KCNIP1: variants seen among roughly 807,000 people sequenced by gnomAD.
KCNIP1 encodes A-type potassium channel modulatory protein KCNIP1.
A neutral mutation model predicts 33.0 loss-of-function variants in KCNIP1; 18 were observed. That is an observed-to-expected ratio of 0.55 (90% CI 0.38 to 0.81). The LOEUF (loss-of-function observed/expected upper bound fraction) is 0.81. KCNIP1 is among the 30% of genes least tolerant of loss of function. The pLI is 0.00. For synonymous variants in KCNIP1, 93 were observed against 98.3 expected (o/e 0.95, Z 0.32); for missense variants, 238 against 271.6 (o/e 0.88, Z 0.87).
chr5:170,381,299 T>C (rs1482832070), intron 1 of KCNIP1, among the ~76,000 whole-genome samples: 4 of 152,214 alleles, frequency 2.6e-5, no homozygotes, highest in African/African-American at 9.7e-5. Context: ...ACCAGCTTTT[T>C]CCCAAGCCCT....
intron 1 of KCNIP1, among the ~76,000 whole-genome samples, chr5:170,497,917 A>T (rs1445852710): frequency 6.6e-6 from 1 of 152,204 alleles, no homozygotes; most frequent in African/African-American, 2.4e-5. Context: ...TGCAGGGGGA[A>T]TCCTCAGGCA....
chr5:170,363,662 C>G (rs1381041192), intron 1 of KCNIP1, among the ~76,000 whole-genome samples: 1 of 152,218 alleles, frequency 6.6e-6, no homozygotes, highest in South Asian at 2.1e-4. Context: ...CCCCATAGAC[C>G]ATTCTTTGCA....
chr5:170,480,866 T>G (rs1375486708), intron 1 of KCNIP1, among the ~76,000 whole-genome samples: 1 of 152,210 alleles, frequency 6.6e-6, no homozygotes, highest in African/African-American at 2.4e-5. Flanking sequence ...TCTATTTTTT[T>G]CCAGGACTAT....
intron 1 of KCNIP1, among the ~76,000 whole-genome samples, chr5:170,457,594 A>G (rs948392154): frequency 3.9e-5 from 6 of 152,222 alleles, no homozygotes; most frequent in African/African-American, 1.4e-4. Flanking sequence ...AAGAGAGATA[A>G]CAATCACTAC....
chr5:170,539,055 A>G (rs1756098862), intron 1 of KCNIP1, among the ~76,000 whole-genome samples: 1 of 151,916 alleles, frequency 6.6e-6, no homozygotes, highest in African/African-American at 2.4e-5. Flanking sequence ...TCCTATGATC[A>G]TGGCCTCCAG....
chr5:170,503,248 G>C (rs962029969), upstream of KCNIP1, among the ~76,000 whole-genome samples: 8 of 151,964 alleles, frequency 5.3e-5, no homozygotes, highest in African/African-American at 1.9e-4. Flanking sequence ...AAAAAATTTA[G>C]CTGGGCCTAG....
At chr5:170,580,798 C>T (rs1757762982) in intron 1 of KCNIP1, among the ~76,000 whole-genome samples, 1 of 152,092 alleles carries the variant, frequency 6.6e-6, no homozygotes. Flanking sequence ...CTCTATGGGT[C>T]CAAGAGTTAC....
intron 1 of KCNIP1, among the ~76,000 whole-genome samples, chr5:170,640,915 G>A (rs11740669): frequency 4.7e-4 from 71 of 152,220 alleles, no homozygotes; most frequent in Non-Finnish European, 9.6e-4. Context: ...TGGAAGCATC[G>A]TTGCTTAAAG....
intron 1 of KCNIP1, among the ~76,000 whole-genome samples, chr5:170,366,521 C>T (rs779631066): frequency 6.6e-6 from 1 of 152,224 alleles, no homozygotes; most frequent in Non-Finnish European, 1.5e-5. Context: ...GCACAGGCTC[C>T]CCCATGTTCA....
chr5:170,460,747 G>A (rs1392475863), intron 1 of KCNIP1, among the ~76,000 whole-genome samples: 1 of 132,236 alleles, frequency 7.6e-6, no homozygotes, highest in African/African-American at 3.0e-5. Flanking sequence ...CTGAGAACTG[G>A]AACAAAGATG....
intron 1 of KCNIP1, among the ~76,000 whole-genome samples, chr5:170,392,004 C>T (rs314126): frequency 0.19 from 29,080 of 152,126 alleles, 3,001 homozygotes; most frequent in African/African-American, 0.26. Flanking sequence ...TTCGTAAGGG[C>T]CTCAATAGTA....
At chr5:170,711,025 C>G (rs987214009) in intron 1 of KCNIP1, among the ~76,000 whole-genome samples, 1 of 152,196 alleles carries the variant, frequency 6.6e-6, no homozygotes, top group Non-Finnish European at 1.5e-5. Context: ...GCTGTATGTG[C>G]TAAACACCAA....
chr5:170,450,407 G>A (rs1208359909), intron 1 of KCNIP1, among the ~76,000 whole-genome samples: 4 of 152,078 alleles, frequency 2.6e-5, no homozygotes, highest in East Asian at 3.9e-4. Context: ...GTTCAGTTCC[G>A]CCACCCACCC....
Position 170,390,517 on chromosome 5 carries a change from A to AAAAAAAAAAAAAAAAAAATATATAT in KCNIP1, c.88+36554_88+36555insAAAAAAAAAAAAAAAAATATATATA. Among the ~76,000 whole-genome samples the AAAAAAAAAAAAAAAAAAATATATAT allele has an allele frequency of 3.8e-4, 28 of 74,474 alleles. 1 individual carries two copies. The highest frequency in any genetic ancestry group is 1.1e-3 in the African/African-American group (17 of 15,588). The allele number at this position is 74,474 out of a possible 152,430, so 48.9% of individuals were successfully genotyped here. On this transcript the variant is annotated intron_variant, in intron 1 of 7. Transcript: ENST00000377360. Reference sequence around the variant, plus strand: ...GACCCCGTCTCAAAAAAAAAAAACAAATATATATATATATATATATATTTT... The same window carrying AAAAAAAAAAAAAAAAAAATATATAT: ...GACCCCGTCTCAAAAAAAAAAAACAAAAAAAAAAAAAAAAAAAATATATATATATATATATATATATATATATTTT...
At chr5:170,653,293 A>T (rs1256783105) in intron 1 of KCNIP1, among the ~76,000 whole-genome samples, 1 of 152,216 alleles carries the variant, frequency 6.6e-6, no homozygotes, top group East Asian at 1.9e-4. Flanking sequence ...AGGCTTCAGC[A>T]AGCATTGTTG....
At chr5:170,659,289 G>A (rs1454621898) in intron 1 of KCNIP1, among the ~76,000 whole-genome samples, 3 of 152,074 alleles carry the variant, frequency 2.0e-5, no homozygotes, top group Non-Finnish European at 4.4e-5. Flanking sequence ...CATTCGTGGT[G>A]GGTGTATGTC....
intron 1 of KCNIP1, chr5:170,669,493 C>T (rs897726450): frequency 1.4e-5 from 14 of 982,070 alleles, no homozygotes; most frequent in African/African-American, 1.8e-5. Context: ...CATTTTCTTT[C>T]CCCAGAACTA....
chr5:170,385,525 A>G, intron 1 of KCNIP1: 1 of 1,531,908 alleles, frequency 6.5e-7, no homozygotes, highest in Non-Finnish European at 9.0e-7. Flanking sequence ...CAGGTGATCC[A>G]CAGAAAGAGA....
At chr5:170,594,698 A>G (rs1758382055) in intron 1 of KCNIP1, among the ~76,000 whole-genome samples, 1 of 152,006 alleles carries the variant, frequency 6.6e-6, no homozygotes, top group Non-Finnish European at 1.5e-5. Context: ...TTTAGTAGAG[A>G]TGGGTTTTCA....
Sources: gnomAD v4.1 joint callset for allele counts (sites outside exome capture counted in the v4.1 genomes callset) on GRCh38, gnomAD v4.1.1 for gene constraint, MANE v1.5 for transcripts, NCBI Gene and HGNC (gene_info 2026-07-23, HGNC 2026-07-21) for gene names.